Variants in CCNT2 observed in about 807,000 individuals in gnomAD.
CCNT2 encodes the protein cyclin-T2.
Under a neutral mutation model 70.0 loss-of-function variants are expected in CCNT2, and 18 were observed. The observed-to-expected ratio is 0.26, with a 90% CI of 0.18 to 0.38. The LOEUF is 0.38. CCNT2 is among the 10% of genes least tolerant of loss of function. The pLI, the probability that CCNT2 is intolerant of heterozygous loss-of-function variation, is 1.00. For missense variants in CCNT2, 734 were observed against 890.2 expected (o/e 0.82, Z 2.23); for synonymous variants, 334 against 313.3 (o/e 1.07, Z -0.70).
intron 4 of CCNT2, among the ~76,000 whole-genome samples, chr2:134,941,715 A>G (rs906047176): frequency 2.6e-5 from 4 of 151,974 alleles, no homozygotes; most frequent in Admixed American, 2.0e-4. Flanking sequence ...ATAAATCATT[A>G]TAAAATATTT....
Position 134,932,481 on chromosome 2 carries a change from A to G in CCNT2, c.241-4360A>G, listed in dbSNP as rs1198686392. On this transcript the variant is annotated intron_variant, in intron 2 of 8. Coordinates refer to ENST00000264157, the MANE Select transcript of CCNT2 (RefSeq NM_058241.3). ...CTTTTCAGCAATATTGAATACTGAT[A>G]TTTTGGGGCCGTTATTAACCCAGCT... is the stretch of plus-strand genomic sequence containing the variant. Among the ~76,000 whole-genome samples the G allele has an allele frequency of 2.0e-5, 3 of 152,176 alleles. No individual in the cohort carries two copies. The South Asian group carries it at 6.2e-4, about 32-fold the overall frequency.
At chr2:134,948,162 G>C (rs1682136741) in intron 7 of CCNT2, among the ~76,000 whole-genome samples, 1 of 151,918 alleles carries the variant, frequency 6.6e-6, no homozygotes, top group Non-Finnish European at 1.5e-5. Flanking sequence ...CAAAAAAAAA[G>C]TTAAAAATTG....
At chr2:134,926,842 T>C (rs1000527374) in intron 2 of CCNT2, among the ~76,000 whole-genome samples, 1 of 152,224 alleles carries the variant, frequency 6.6e-6, no homozygotes, top group Admixed American at 6.5e-5. Context: ...TGCTCTGTTT[T>C]TCTGTGGGGA....
At chr2:134,942,850 A>G (rs1251934554) in intron 5 of CCNT2, 176 bp downstream of exon 5, 57 of 1,385,172 alleles carry the variant, frequency 4.1e-5, no homozygotes, top group Non-Finnish European at 5.2e-5. Context: ...TTGTGATTCT[A>G]CCTGGTATGT....
In CCNT2 at chr2:134,955,956, A is replaced by G. The variant is rs1395207529; in HGVS notation, c.*1308A>G. On this transcript the variant is annotated 3_prime_UTR_variant, in exon 9 of 9. Transcript: ENST00000264157. The stretch of plus-strand genomic sequence containing the variant: ...TACATTTGTTTGCACATCTCAGTAT[A>G]TTTCTGTTGAGGTAAAGTTTGCACA... 1 of 152,644 alleles carries G rather than the reference A, an allele frequency of 6.6e-6. No individual in the cohort carries two copies. The highest frequency in any genetic ancestry group is 1.5e-5 in the Non-Finnish European group (1 of 68,036). 9.5% of individuals were successfully genotyped at this position (152,644 alleles called of 1,614,324 possible). A position where few individuals can be genotyped will look rare whatever the true frequency, so the allele number is the denominator to read the frequency against.
intron 7 of CCNT2, among the ~76,000 whole-genome samples, chr2:134,949,412 A>T (rs1682262244): frequency 6.6e-6 from 1 of 152,168 alleles, no homozygotes; most frequent in Non-Finnish European, 1.5e-5. Flanking sequence ...TTTGTAACTG[A>T]TTGGGTGTGA....
chr2:134,944,277 G>T (rs1333313579), intron 5 of CCNT2: 1 of 983,410 alleles, frequency 1.0e-6, no homozygotes, highest in East Asian at 1.1e-4. Context: ...AAAAGGTTAA[G>T]CTAAACTTTG....
rs1683064580 is a variant in CCNT2 at position 134,958,922 on chromosome 2, A to G, written c.*4274A>G. ...GCTAGGAGTAATTCTGTTCTCGTAT[A>G]GGCAACTTAACTTCACTGTGGAATC... On this transcript the variant is annotated 3_prime_UTR_variant, in exon 9 of 9. Coordinates refer to ENST00000264157, the MANE Select transcript of CCNT2 (RefSeq NM_058241.3). 1 of 152,190 alleles carries G rather than the reference A, an allele frequency of 6.6e-6. No individual in the cohort carries two copies. The highest frequency in any genetic ancestry group is 2.4e-5 in the African/African-American group (1 of 41,440). The allele number at this position is 152,190 out of a possible 1,614,324, so 9.4% of individuals were successfully genotyped here. A position where few individuals can be genotyped will look rare whatever the true frequency, so the allele number is the denominator to read the frequency against.
At chr2:134,948,175 T>G (rs970801764) in intron 7 of CCNT2, among the ~76,000 whole-genome samples, 3 of 151,882 alleles carry the variant, frequency 2.0e-5, no homozygotes, top group Admixed American at 2.0e-4. Context: ...AAAAATTGAC[T>G]GGGTGTGGTG....
chr2:134,951,826 C>A (rs1682526683), intron 7 of CCNT2, among the ~76,000 whole-genome samples: 1 of 152,162 alleles, frequency 6.6e-6, no homozygotes, highest in Non-Finnish European at 1.5e-5. Flanking sequence ...GTTAACTAAA[C>A]CACAGATGTT....
rs748179769 is a variant in CCNT2, at chr2:134,919,764, A to G, written c.159-46A>G. On this transcript the variant is annotated intron_variant, in intron 1 of 8. Coordinates refer to ENST00000264157, the MANE Select transcript of CCNT2 (RefSeq NM_058241.3). ...ATTTTCCATCAAAATTGTTCTGGGA[A>G]TGAGATCTTGCTTTTGTCAGATATT... The G allele has an allele frequency of 7.0e-6, 10 of 1,427,568 alleles. No individual in the cohort carries two copies. The African/African-American group carries it at 1.1e-4, about 16-fold the overall frequency. The allele number at this position is 1,427,568 out of a possible 1,614,324, so 88.4% of individuals were successfully genotyped here.
chr2:134,919,977 A>G, intron 2 of CCNT2, 86 bp downstream of exon 2: 1 of 862,470 alleles, frequency 1.2e-6, no homozygotes, highest in Non-Finnish European at 1.9e-6. Flanking sequence ...GCGTTGTTGG[A>G]TTTAGTGTTC....
intron 5 of CCNT2, 143 bp downstream of exon 5, chr2:134,942,817 T>C (rs1681670879): frequency 7.1e-7 from 1 of 1,409,458 alleles, no homozygotes; most frequent in Non-Finnish European, 9.3e-7. Flanking sequence ...CATTACTTTT[T>C]AGTGTTCTAC....
At chr2:134,939,952 A>G (rs1403739321) in intron 4 of CCNT2, among the ~76,000 whole-genome samples, 1 of 152,178 alleles carries the variant, frequency 6.6e-6, no homozygotes, top group Non-Finnish European at 1.5e-5. Context: ...ACCTACTAGG[A>G]TGTGGTAGGA....
intron 4 of CCNT2, among the ~76,000 whole-genome samples, chr2:134,941,970 T>A (rs1681615856): frequency 2.0e-5 from 3 of 152,160 alleles, no homozygotes; most frequent in African/African-American, 7.2e-5. Flanking sequence ...CAACCAAATG[T>A]GATCTTCACT....
At chr2:134,950,770 G>A (rs985201513) in intron 7 of CCNT2, among the ~76,000 whole-genome samples, 7 of 152,198 alleles carry the variant, frequency 4.6e-5, no homozygotes, top group African/African-American at 1.7e-4. Flanking sequence ...GTAGCTTTGA[G>A]AGAGAAGGGC....
chr2:134,943,007 A>C, intron 5 of CCNT2: 1 of 985,356 alleles, frequency 1.0e-6, no homozygotes, highest in Non-Finnish European at 1.2e-6. Context: ...TCAGAAAATA[A>C]TATTAATTTT....
intron 2 of CCNT2, among the ~76,000 whole-genome samples, chr2:134,926,523 G>A (rs899129879): frequency 1.3e-5 from 2 of 152,116 alleles, no homozygotes; most frequent in African/African-American, 4.8e-5. Flanking sequence ...AGTTAGCTTC[G>A]GTCTTTTAAT....
At chr2:134,923,549 C>T (rs1280129020) in intron 2 of CCNT2, among the ~76,000 whole-genome samples, 2 of 152,168 alleles carry the variant, frequency 1.3e-5, no homozygotes, top group East Asian at 1.9e-4. Flanking sequence ...TTCTGCATAG[C>T]GCAAGTTTTG....
Sources: allele counts gnomAD v4.1 joint callset (sites outside exome capture counted in the v4.1 genomes callset), GRCh38; gene constraint gnomAD v4.1.1; transcripts MANE v1.5; gene names NCBI Gene and HGNC (gene_info 2026-07-23, HGNC 2026-07-21).